Variants in CADPS2 observed in about 807,000 individuals in gnomAD.
The protein encoded by CADPS2 is calcium dependent secretion activator 2.
In CADPS2, 93 loss-of-function variants were observed where a neutral mutation model predicts 172.5. The observed-to-expected ratio is 0.54, with a 90% CI of 0.46 to 0.64. CADPS2 has a LOEUF of 0.64. CADPS2 is among the 30% of genes least tolerant of loss of function. The pLI, the probability that CADPS2 is intolerant of heterozygous loss-of-function variation, is 0.00. For missense variants in CADPS2, 1,420 were observed against 1,565.9 expected (o/e 0.91, Z 1.57); for synonymous variants, 546 against 555.2 (o/e 0.98, Z 0.23).
Position 122,386,338 on chromosome 7 carries a change from AGAT to A in CADPS2, c.3312+685_3312+687del, listed in dbSNP as rs201376204. ...GATCATGCCATGGGTGGAAAAAAAA[AGAT>A]GATGAAAGAGAACAGAAGGGAAGAA... On this transcript the variant is annotated intron_variant, in intron 24 of 29. Coordinates refer to ENST00000449022, the MANE Select transcript of CADPS2 (RefSeq NM_017954.11). The A allele has an allele frequency of 1.2e-3, 1,684 of 1,369,884 alleles. 9 individuals are homozygous for A. The African/African-American group carries it at 0.019, about 16-fold the overall frequency. The allele number at this position is 1,369,884 out of a possible 1,614,324, so 84.9% of individuals were successfully genotyped here.
At position 122,463,150 on chromosome 7, in the gene CADPS2, A is replaced by AT. The variant is rs35813925; in HGVS notation, c.2186+8224dup. On this transcript the variant is annotated intron_variant, in intron 14 of 29. Transcript: ENST00000449022. Reference sequence around the variant, plus strand: ...TTTGCACTGCCTAAAGAATACATATATTTTTTTTTAAGTGACAGAAAACAT... The same window carrying AT: ...TTTGCACTGCCTAAAGAATACATATATTTTTTTTTTAAGTGACAGAAAACAT... Among the ~76,000 whole-genome samples, 175 of 151,498 alleles carry AT rather than the reference A, an allele frequency of 1.2e-3. 7 individuals carry two copies. In the South Asian group the frequency reaches 0.033, roughly 29 times the overall value.
chr7:122,532,512 C>A (rs1446139305), intron 8 of CADPS2, among the ~76,000 whole-genome samples: 1 of 151,968 alleles, frequency 6.6e-6, no homozygotes, highest in East Asian at 1.9e-4. Context: ...ATACACACTG[C>A]CGCACTCCGA....
At chr7:122,819,685 C>G (rs1004763427) in intron 1 of CADPS2, among the ~76,000 whole-genome samples, 39 of 152,106 alleles carry the variant, frequency 2.6e-4, no homozygotes, top group African/African-American at 8.5e-4. Flanking sequence ...CCTTATTAGG[C>G]TGAGACACTT....
intron 1 of CADPS2, among the ~76,000 whole-genome samples, chr7:122,754,627 C>T (rs1357702497): frequency 6.6e-6 from 1 of 152,046 alleles, no homozygotes; most frequent in Non-Finnish European, 1.5e-5. Context: ...CAGGTGCCCA[C>T]CATCACGCCC....
At chr7:122,450,019 A>C (rs985320246) in intron 15 of CADPS2, among the ~76,000 whole-genome samples, 1 of 152,336 alleles carries the variant, frequency 6.6e-6, no homozygotes, top group East Asian at 1.9e-4. Flanking sequence ...ATCATTTAAA[A>C]AAATCACAGA....
intron 2 of CADPS2, among the ~76,000 whole-genome samples, chr7:122,728,802 A>G (rs2091357191): frequency 6.6e-6 from 1 of 151,806 alleles, no homozygotes; most frequent in South Asian, 2.1e-4. Flanking sequence ...TGTTATAGGC[A>G]TAAGGTAACA....
At chr7:122,467,218 C>T (rs2055265157) in intron 14 of CADPS2, among the ~76,000 whole-genome samples, 2 of 152,126 alleles carry the variant, frequency 1.3e-5, no homozygotes, top group South Asian at 4.1e-4. Flanking sequence ...GCTCACCTGC[C>T]CCAAAAGTGA....
At chr7:122,393,679 C>A in intron 20 of CADPS2, 97 bp from the exon 21 acceptor site, 1 of 1,225,928 alleles carries the variant, frequency 8.2e-7, no homozygotes, top group Non-Finnish European at 1.2e-6. Flanking sequence ...GAGAGTCTGA[C>A]ACAGAAGAAC....
intron 1 of CADPS2, among the ~76,000 whole-genome samples, chr7:122,837,171 A>C (rs1037168094): frequency 6.6e-6 from 1 of 152,238 alleles, no homozygotes; most frequent in African/African-American, 2.4e-5. Flanking sequence ...CCTGCTCCTG[A>C]ATGACTACTG....
At chr7:122,792,362 A>T (rs1183149764) in intron 1 of CADPS2, among the ~76,000 whole-genome samples, 1 of 152,158 alleles carries the variant, frequency 6.6e-6, no homozygotes, top group Non-Finnish European at 1.5e-5. Flanking sequence ...TCTAGGCCCC[A>T]GAGAGACCCC....
At chr7:122,622,006 CT>C (rs2075655557) in intron 4 of CADPS2, among the ~76,000 whole-genome samples, 1 of 152,098 alleles carries the variant, frequency 6.6e-6, no homozygotes, top group East Asian at 1.9e-4. Flanking sequence ...AAAACAAACT[CT>C]GAAAACATGC....
At position 122,546,384 on chromosome 7, in the gene CADPS2, G is replaced by A. The variant is rs138516397; in HGVS notation, c.1475+8166C>T. Among the ~76,000 whole-genome samples, 193 of 152,206 alleles carry A rather than the reference G, an allele frequency of 1.3e-3. 1 individual carries two copies. The highest frequency in any genetic ancestry group is 9.5e-3 in the East Asian group (49 of 5,174). On this transcript the variant is annotated intron_variant, in intron 8 of 29. Transcript: ENST00000449022. The stretch of plus-strand genomic sequence containing the variant: ...AATACTCTTTAGGACCCTTATACCC[G>A]TATGTTAACATCTATGGAAAGAATG...
intron 8 of CADPS2, among the ~76,000 whole-genome samples, chr7:122,519,375 GAACAAC>G (rs746466223): frequency 6.6e-6 from 1 of 151,738 alleles, no homozygotes; most frequent in Non-Finnish European, 1.5e-5. Flanking sequence ...TGTTCCCTTT[GAACAAC>G]AACAACAACA....
chr7:122,645,029 G>C (rs984894585), intron 3 of CADPS2, among the ~76,000 whole-genome samples: 13 of 151,856 alleles, frequency 8.6e-5, no homozygotes, highest in Admixed American at 5.3e-4. Context: ...AAAGATGAAT[G>C]AGTTAATTAG....
chr7:122,377,053 C>A (rs936460125), intron 25 of CADPS2, among the ~76,000 whole-genome samples: 1 of 151,982 alleles, frequency 6.6e-6, no homozygotes, highest in Non-Finnish European at 1.5e-5. Context: ...AAGATAAGTA[C>A]GATTTGACAG....
At chr7:122,864,916 C>T (rs1290758109) in intron 1 of CADPS2, among the ~76,000 whole-genome samples, 2 of 152,012 alleles carry the variant, frequency 1.3e-5, no homozygotes, top group African/African-American at 2.4e-5. Flanking sequence ...TCTTCCCTTT[C>T]AGAAAATGGC....
chr7:122,329,989 A>G, intron 28 of CADPS2, among the ~76,000 whole-genome samples: 1 of 152,206 alleles, frequency 6.6e-6, no homozygotes, highest in Non-Finnish European at 1.5e-5. Flanking sequence ...TTTATTGATT[A>G]TGAATTGGTA....
At chr7:122,410,561 G>T (rs747805535) in intron 19 of CADPS2, among the ~76,000 whole-genome samples, 2 of 150,802 alleles carry the variant, frequency 1.3e-5, no homozygotes, top group Non-Finnish European at 2.9e-5. Flanking sequence ...GAGTGATAAC[G>T]GTCAAATCAG....
chr7:122,559,150 A>C (rs968059742), intron 7 of CADPS2, among the ~76,000 whole-genome samples: 2 of 151,932 alleles, frequency 1.3e-5, no homozygotes, highest in Admixed American at 1.3e-4. Context: ...TCATAGAGGA[A>C]TTACAGTTTC....
Sources: gnomAD v4.1 joint callset for allele counts (sites outside exome capture counted in the v4.1 genomes callset) on GRCh38, gnomAD v4.1.1 for gene constraint, MANE v1.5 for transcripts, NCBI Gene and HGNC (gene_info 2026-07-23, HGNC 2026-07-21) for gene names.